The following ARHGAP6 variants were observed in gnomAD, a reference collection of about 807,000 sequenced individuals.
ARHGAP6 encodes Rho GTPase activating protein 6.
ARHGAP6 carries 16 observed loss-of-function variants against 55.7 expected under a neutral mutation model. The ratio of observed to expected loss-of-function variants is 0.29; its 90% confidence interval spans 0.19 to 0.44. ARHGAP6 has a LOEUF of 0.44. Ranked by LOEUF, ARHGAP6 falls within the 20% of genes least tolerant of loss-of-function variation. ARHGAP6 has a pLI of 1.00. For missense variants in ARHGAP6, 698 were observed against 808.9 expected, an observed-to-expected ratio of 0.86 and a Z score of 1.66; for synonymous variants, 382 against 360.9, an observed-to-expected ratio of 1.06 and a Z score of -0.66.
At chrX:11,460,012 C>T (rs1308983213) in intron 1 of ARHGAP6, among the ~76,000 whole-genome samples, 2 of 111,997 alleles carry the variant, frequency 1.8e-5, no homozygotes, top group African/African-American at 6.5e-5. Context: ...CTGGTATATA[C>T]ACCTGGTATA....
At chrX:11,390,638 CA>C (rs1239888491) in intron 1 of ARHGAP6, among the ~76,000 whole-genome samples, 2 of 111,873 alleles carry the variant, frequency 1.8e-5, no homozygotes, top group Non-Finnish European at 3.8e-5. Flanking sequence ...ACAACCCCAT[CA>C]AAAAGTGGGC....
At chrX:11,508,741 A>G (rs745842608) in intron 1 of ARHGAP6, among the ~76,000 whole-genome samples, 2 of 107,817 alleles carry the variant, frequency 1.9e-5, no homozygotes, top group Non-Finnish European at 3.8e-5. Context: ...TATCCCTTCA[A>G]CCATCACTTC....
chrX:11,377,612 C>T (rs2049216356), intron 1 of ARHGAP6, among the ~76,000 whole-genome samples: 1 of 112,031 alleles, frequency 8.9e-6, no homozygotes, highest in Non-Finnish European at 1.9e-5. Context: ...TATCAATTTC[C>T]TCATTTGCCC....
At chrX:11,340,747 G>A (rs2048695972) in intron 1 of ARHGAP6, among the ~76,000 whole-genome samples, 1 of 109,989 alleles carries the variant, frequency 9.1e-6, no homozygotes, top group Admixed American at 9.6e-5. Flanking sequence ...AAAAGATTTC[G>A]CCTTCAGATA....
chrX:11,195,649 G>A (rs2046523953), intron 3 of ARHGAP6, among the ~76,000 whole-genome samples: 1 of 110,305 alleles, frequency 9.1e-6, no homozygotes, highest in Non-Finnish European at 1.9e-5. Context: ...AGACACACTG[G>A]AGCCTACTTG....
chrX:11,613,788 T>C (rs2052130999), intron 1 of ARHGAP6, among the ~76,000 whole-genome samples: 1 of 112,606 alleles, frequency 8.9e-6, no homozygotes, highest in Non-Finnish European at 1.9e-5. Context: ...TGGTTGGTGC[T>C]GTTTGATAGC....
chrX:11,493,532 C>T (rs886523625), intron 1 of ARHGAP6, among the ~76,000 whole-genome samples: 5 of 111,775 alleles, frequency 4.5e-5, no homozygotes, highest in African/African-American at 1.6e-4. Context: ...TCCATTGACA[C>T]TTCCTTACCT....
chrX:11,154,876 C>T (rs1235446094), intron 10 of ARHGAP6, among the ~76,000 whole-genome samples: 2 of 112,433 alleles, frequency 1.8e-5, no homozygotes, highest in African/African-American at 6.5e-5. Flanking sequence ...CTCATCTATA[C>T]AATTTGAATA....
intron 8 of ARHGAP6, among the ~76,000 whole-genome samples, chrX:11,175,308 G>A (rs1410586232): frequency 3.6e-5 from 4 of 112,080 alleles, no homozygotes; most frequent in East Asian, 2.8e-4. Context: ...CACTGCTAAC[G>A]ATTTCACGGA....
intron 1 of ARHGAP6, among the ~76,000 whole-genome samples, chrX:11,386,128 G>T (rs1192894597): frequency 3.5e-5 from 4 of 112,877 alleles, no homozygotes. Context: ...TCAGTGAAAA[G>T]GCCCAAAGGG....
chrX:11,181,098 G>A (rs2046308765), intron 6 of ARHGAP6, among the ~76,000 whole-genome samples: 1 of 111,997 alleles, frequency 8.9e-6, no homozygotes, highest in Non-Finnish European at 1.9e-5. Context: ...GCACAGAAAT[G>A]TTACTGTACT....
intron 1 of ARHGAP6, among the ~76,000 whole-genome samples, chrX:11,267,958 C>T (rs148553597): frequency 3.7e-4 from 42 of 112,214 alleles, no homozygotes; most frequent in African/African-American, 1.3e-3. Context: ...CAGGAAGCAA[C>T]TAAAAGGTTC....
intron 1 of ARHGAP6, among the ~76,000 whole-genome samples, chrX:11,520,143 A>G (rs2050900414): frequency 1.7e-5 from 1 of 57,526 alleles, no homozygotes; most frequent in Non-Finnish European, 3.2e-5. Context: ...ATATATATAT[A>G]TATATATATA....
At chrX:11,517,742 T>A (rs900567267) in intron 1 of ARHGAP6, among the ~76,000 whole-genome samples, 2 of 111,042 alleles carry the variant, frequency 1.8e-5, no homozygotes, top group Non-Finnish European at 3.8e-5. Context: ...CACTGTATGT[T>A]CTCACTTATA....
intron 1 of ARHGAP6, among the ~76,000 whole-genome samples, chrX:11,403,516 TAAATA>T (rs2091237748): frequency 8.9e-6 from 1 of 112,545 alleles, no homozygotes; most frequent in African/African-American, 3.2e-5. Flanking sequence ...TATATTAGGT[TAAATA>T]AAATATATTA....
chrX:11,149,197 A>G (rs2045740727), intron 10 of ARHGAP6, among the ~76,000 whole-genome samples: 1 of 111,823 alleles, frequency 8.9e-6, no homozygotes, highest in Non-Finnish European at 1.9e-5. Context: ...AAGATCAGAC[A>G]GTGTTGTTTT....
chrX:11,271,332 T>C (rs185333059), intron 1 of ARHGAP6, among the ~76,000 whole-genome samples: 10 of 111,803 alleles, frequency 8.9e-5, no homozygotes. Context: ...AAGAATATCG[T>C]ATTTAGGAGC....
chrX:11,290,468 T>C (rs777790595), intron 1 of ARHGAP6: 2 of 332,205 alleles, frequency 6.0e-6, no homozygotes, highest in South Asian at 5.7e-5. Flanking sequence ...CTGAAGATCA[T>C]ACAACTCCAA....
At chrX:11,649,556 C>A (rs2052563824) in intron 1 of ARHGAP6, among the ~76,000 whole-genome samples, 1 of 111,639 alleles carries the variant, frequency 9.0e-6, no homozygotes, top group Non-Finnish European at 1.9e-5. Context: ...TTTCATTATC[C>A]CTTTTTCTTC....
Sources: allele counts gnomAD v4.1 joint callset (sites outside exome capture counted in the v4.1 genomes callset), GRCh38; gene constraint gnomAD v4.1.1; transcripts MANE v1.5; gene names NCBI Gene and HGNC (gene_info 2026-07-23, HGNC 2026-07-21).